RSAD2: variants seen among roughly 807,000 people sequenced by gnomAD.
RSAD2 encodes the protein radical S-adenosyl methionine domain containing 2, also known as S-adenosylmethionine-dependent nucleotide dehydratase RSAD2.
Under a neutral mutation model 37.7 loss-of-function variants are expected in RSAD2, and 38 were observed. The ratio of observed to expected loss-of-function variants is 1.01; its 90% confidence interval spans 0.78 to 1.32. The LOEUF (loss-of-function observed/expected upper bound fraction) is 1.32. RSAD2 is among the 40% of genes most tolerant of loss of function. The pLI is 0.00. For synonymous variants in RSAD2, 163 were observed against 157.4 expected (o/e 1.04, Z -0.27); for missense variants, 428 against 437.5 (o/e 0.98, Z 0.19).
At chr2:6,876,806 A>T (rs1397867096), upstream of RSAD2, 1 of 152,224 alleles carries the variant, frequency 6.6e-6, no homozygotes, top group Non-Finnish European at 1.5e-5. Context: ...AAAAATTAGC[A>T]GTTTTACTCT....
chr2:6,868,578 G>C lies in RSAD2; in HGVS notation c.142+2533G>C, dbSNP rs566125243. On this transcript the variant is annotated intron_variant, in intron 1 of 5. Coordinates refer to the RSAD2 transcript ENST00000442639. Reference sequence around the variant, plus strand: ...TAGAAGTTAATGAAAGGGCTAAAAAGCACTGAGCAAGTTTCAGAGATCACT... The same window carrying C: ...TAGAAGTTAATGAAAGGGCTAAAAACCACTGAGCAAGTTTCAGAGATCACT... Among the ~76,000 whole-genome samples the C allele has an allele frequency of 3.3e-5, 5 of 152,308 alleles. No individual in the cohort carries two copies. In the East Asian group the frequency reaches 9.6e-4, roughly 29 times the overall value.
intron 1 of RSAD2, among the ~76,000 whole-genome samples, chr2:6,869,199 C>G (rs933981353): frequency 2.6e-5 from 4 of 152,118 alleles, no homozygotes; most frequent in African/African-American, 9.7e-5. Context: ...TTATGGCTAC[C>G]CTCTCCAGAC....
chr2:6,870,079 C>T (rs1663177343), intron 1 of RSAD2, among the ~76,000 whole-genome samples: 1 of 152,124 alleles, frequency 6.6e-6, no homozygotes, highest in African/African-American at 2.4e-5. Context: ...CTGATTGGGA[C>T]CCTAGGTGGG....
intron 1 of RSAD2, among the ~76,000 whole-genome samples, chr2:6,872,393 G>A (rs550122558): frequency 1.3e-5 from 2 of 152,238 alleles, no homozygotes; most frequent in African/African-American, 4.8e-5. Context: ...ATTGTAAAAC[G>A]TGTATTCTTG....
intron 1 of RSAD2, among the ~76,000 whole-genome samples, chr2:6,882,602 AAAG>A (rs1663435513): frequency 6.6e-6 from 1 of 152,184 alleles, no homozygotes; most frequent in Admixed American, 6.5e-5. Context: ...GCAAATAGTA[AAAG>A]AAGATTTTTC....
intron 3 of RSAD2, 90 bp downstream of exon 3, chr2:6,887,254 A>T: frequency 2.0e-6 from 2 of 978,522 alleles, no homozygotes; most frequent in Non-Finnish European, 3.1e-6. Flanking sequence ...ATACTGATAC[A>T]AGAGAACTCT....
rs1663538986 is a variant in RSAD2 at position 6,887,152 on chromosome 2, T to C, written c.726T>C (p.Pro242=). Reference sequence around the variant, plus strand: ...CGGAACAGATCAAAGCACTAAACCCTGTCCGCTGGAAAGTAAGTACACAAG... The same window carrying C: ...CGGAACAGATCAAAGCACTAAACCCCGTCCGCTGGAAAGTAAGTACACAAG... ...DMTEQIKALN[P]VRWKVFQCLL... The change falls in exon 3 of 6, where the codon CCT becomes CCC. Residue 242 remains proline, a synonymous_variant. Coordinates refer to ENST00000382040, the MANE Select transcript of RSAD2 (RefSeq NM_080657.5). The C allele has an allele frequency of 6.3e-7, 1 of 1,587,604 alleles. No individual in the cohort carries two copies. The highest frequency in any genetic ancestry group is 8.6e-7 in the Non-Finnish European group (1 of 1,163,238).
Position 6,895,814 on chromosome 2 carries a change from C to G in RSAD2, c.958C>G (p.Pro320Ala), listed in dbSNP as rs1663762496. 2 of 1,613,788 alleles carry G rather than the reference C, an allele frequency of 1.2e-6. No individual in the cohort carries two copies. The highest frequency in any genetic ancestry group is 1.3e-5 in the African/African-American group (1 of 74,912). Residue 320 changes from proline to alanine, a missense_variant, in exon 6 of 6, where the codon CCT (proline) becomes GCT (alanine). Physicochemically the swap from Pro to Ala is conservative, Grantham distance 27. Transcript: ENST00000382040. ...GAACTGTAGAAAGGGACGGAAGGAC[C>G]CTTCCAAGTCCATCCTGGATGTTGG... ...FLNCRKGRKD[P>A]SKSILDVGVE...
At chr2:6,890,541 A>C (rs1663609607) in intron 4 of RSAD2, among the ~76,000 whole-genome samples, 1 of 152,148 alleles carries the variant, frequency 6.6e-6, no homozygotes, top group South Asian at 2.1e-4. Flanking sequence ...CAGTTTCTCT[A>C]TCCACGATGG....
In RSAD2 at chr2:6,890,364, A is replaced by G. The variant is rs201363366; in HGVS notation, c.888+39A>G. 1,507 of 1,599,412 alleles carry G rather than the reference A, an allele frequency of 9.4e-4. 22 individuals carry two copies. In the South Asian group the frequency reaches 0.013, roughly 14 times the overall value. The stretch of plus-strand genomic sequence containing the variant: ...AAAGTTGTTTTCTTTGTCATCATAC[A>G]TTCAGATTGATTCCCAAAAGGGAAG... On this transcript the variant is annotated intron_variant, in intron 4 of 5. Coordinates refer to ENST00000382040, the MANE Select transcript of RSAD2 (RefSeq NM_080657.5).
chr2:6,866,623 A>C lies in RSAD2; in HGVS notation c.142+578A>C, dbSNP rs1663098037. The C allele has an allele frequency of 2.1e-5, 4 of 186,920 alleles. No individual in the cohort carries two copies. In the South Asian group the frequency reaches 5.5e-4, roughly 26 times the overall value. The allele number at this position is 186,920 out of a possible 1,614,324, so 11.6% of individuals were successfully genotyped here. On this transcript the variant is annotated intron_variant, in intron 1 of 5. Transcript: ENST00000442639. ...AGCATCAGCACTGTTGCTGCCTAAC[A>C]GTGTAACTGCCTAACAGTGTAACAG...
In RSAD2 at chr2:6,877,798, A is replaced by C. The variant is rs1297177580; in HGVS notation, c.-3A>C. ...GACTGCTCTGCTCCAGGCATCTGCC[A>C]CAATGTGGGTGCTTACACCTGCTGC... On this transcript the variant is annotated 5_prime_UTR_variant, in exon 1 of 6. Coordinates refer to ENST00000382040, the MANE Select transcript of RSAD2 (RefSeq NM_080657.5). 6.2e-7 allele frequency: 1 copy of C among 1,611,892 alleles called. No individual in the cohort carries two copies. Among genetic ancestry groups the C allele is most frequent in the African/African-American group, 1.3e-5 (1 of 74,868 alleles).
At chr2:6,882,696 C>A (rs903310418) in intron 1 of RSAD2, among the ~76,000 whole-genome samples, 8 of 152,082 alleles carry the variant, frequency 5.3e-5, no homozygotes, top group Non-Finnish European at 8.8e-5. Context: ...TCCTAGGACA[C>A]CCGGTCTTGA....
At chr2:6,879,978 C>G (rs1663367863) in intron 1 of RSAD2, among the ~76,000 whole-genome samples, 1 of 152,016 alleles carries the variant, frequency 6.6e-6, no homozygotes. Context: ...ATAATGATAA[C>G]TGATAAACCA....
chr2:6,877,877 G>A lies in RSAD2; in HGVS notation c.77G>A (p.Arg26Lys), dbSNP rs1429621575. 2 of 1,614,132 alleles carry A rather than the reference G, an allele frequency of 1.2e-6. No individual in the cohort carries two copies. The highest frequency in any genetic ancestry group is 1.7e-6 in the Non-Finnish European group (2 of 1,180,034). Residue 26 changes from arginine to lysine, a missense_variant, in exon 1 of 6, where the codon AGG becomes AAG. Coordinates refer to ENST00000382040, the MANE Select transcript of RSAD2 (RefSeq NM_080657.5). ...VFRQPLSSLW[R>K]SLVPLFCWLR... ...AGGCAACCTCTGAGCTCTCTGTGGA[G>A]GAGCCTGGTCCCGCTGTTCTGCTGG...
chr2:6,886,757 G>A (rs1663530182), intron 2 of RSAD2, among the ~76,000 whole-genome samples, 178 bp from the exon 3 acceptor site: 1 of 152,170 alleles, frequency 6.6e-6, no homozygotes, highest in Admixed American at 6.5e-5. Context: ...TATATATTTA[G>A]TTTTTCAGGT....
upstream of RSAD2, among the ~76,000 whole-genome samples, chr2:6,874,422 AAT>A (rs1663248749): frequency 6.6e-6 from 1 of 152,224 alleles, no homozygotes; most frequent in African/African-American, 2.4e-5. Context: ...ATGCCACAAA[AAT>A]ACCTAAATTT....
At chr2:6,865,955 C>T (rs1199324030) in exon 1 of RSAD2, 1 of 1,237,498 alleles carries the variant, frequency 8.1e-7, no homozygotes. Context: ...GCCCCGGGGC[C>T]CCAGGTGCGC....
At position 6,897,079 on chromosome 2, in the gene RSAD2, A is replaced by G. The variant is rs1487779923; in HGVS notation, c.*1137A>G. 3.9e-5 allele frequency: 6 copies of G among 152,234 alleles called. No homozygotes were observed. 9.4% of individuals were successfully genotyped at this position (152,234 alleles called of 1,614,324 possible). The stretch of plus-strand genomic sequence containing the variant: ...CATATTTTTGAATGAACTCTGAGTC[A>G]GTTGAAATAGGGTACCATCTAGGTC... On this transcript the variant is annotated 3_prime_UTR_variant, in exon 6 of 6. Transcript: ENST00000382040.
Sources: gnomAD v4.1 joint callset for allele counts (sites outside exome capture counted in the v4.1 genomes callset) on GRCh38, gnomAD v4.1.1 for gene constraint, MANE v1.5 for transcripts, NCBI Gene and HGNC (gene_info 2026-07-23, HGNC 2026-07-21) for gene names.